ADGRL3: variants seen among roughly 807,000 people sequenced by gnomAD.
ADGRL3 encodes calcium-independent alpha-latrotoxin receptor 3.
A neutral mutation model predicts 153.5 loss-of-function variants in ADGRL3; 62 were observed. The ratio of observed to expected loss-of-function variants is 0.40; its 90% CI spans 0.33 to 0.50. The LOEUF is 0.50. Ranked by LOEUF, ADGRL3 falls within the 20% of genes least tolerant of loss-of-function variation. ADGRL3 has a pLI of 0.47. For synonymous variants in ADGRL3, 710 were observed against 672.5 expected, an observed-to-expected ratio of 1.06 and a Z score of -0.86; for missense variants, 1,641 against 1,859.4, an observed-to-expected ratio of 0.88 and a Z score of 2.16.
chr4:61,601,111 A>G (rs1197954475), intron 5 of ADGRL3, among the ~76,000 whole-genome samples: 4 of 152,118 alleles, frequency 2.6e-5, no homozygotes, highest in Non-Finnish European at 4.4e-5. Flanking sequence ...ACATTTCTAT[A>G]TAAGAATGTT....
At chr4:61,661,270 A>G (rs539253177) in intron 5 of ADGRL3, among the ~76,000 whole-genome samples, 1 of 152,112 alleles carries the variant, frequency 6.6e-6, no homozygotes, top group African/African-American at 2.4e-5. Context: ...CATTTTTTTA[A>G]TATGCATACA....
intron 1 of ADGRL3, among the ~76,000 whole-genome samples, chr4:61,240,291 C>T (rs1754412625): frequency 6.6e-6 from 1 of 152,126 alleles, no homozygotes; most frequent in South Asian, 2.1e-4. Context: ...GCAGTGCCCT[C>T]ATGACTTAAT....
chr4:61,762,496 T>C (rs2096925026), intron 8 of ADGRL3, among the ~76,000 whole-genome samples: 1 of 152,118 alleles, frequency 6.6e-6, no homozygotes, highest in African/African-American at 2.4e-5. Context: ...TTGAGGTGCT[T>C]GTCAAAAATG....
intron 19 of ADGRL3, among the ~76,000 whole-genome samples, chr4:61,992,089 A>G (rs567067121): frequency 6.6e-6 from 1 of 151,994 alleles, no homozygotes; most frequent in Non-Finnish European, 1.5e-5. Flanking sequence ...AGAAATTGCC[A>G]TATCTTAAAA....
intron 1 of ADGRL3, among the ~76,000 whole-genome samples, chr4:61,234,641 G>T (rs1190740561): frequency 6.6e-6 from 1 of 152,160 alleles, no homozygotes; most frequent in Non-Finnish European, 1.5e-5. Flanking sequence ...TGAGCCTGGA[G>T]GGTTGGTCGG....
At chr4:61,756,690 C>G (rs2096835945) in intron 8 of ADGRL3, among the ~76,000 whole-genome samples, 1 of 152,188 alleles carries the variant, frequency 6.6e-6, no homozygotes, top group South Asian at 2.1e-4. Context: ...GCATCCCTGT[C>G]TTGTGCCGGT....
chr4:62,057,119 G>A (rs1189753896), intron 25 of ADGRL3, among the ~76,000 whole-genome samples: 2 of 152,176 alleles, frequency 1.3e-5, no homozygotes, highest in Non-Finnish European at 2.9e-5. Context: ...AAGAAGAAGC[G>A]TTGTTTGAAT....
chr4:61,284,038 T>C (rs992173538), intron 1 of ADGRL3, among the ~76,000 whole-genome samples: 1 of 151,988 alleles, frequency 6.6e-6, no homozygotes, highest in African/African-American at 2.4e-5. Flanking sequence ...AAGTACCTAA[T>C]GGATCCCAAT....
chr4:61,633,139 G>A (rs2093264627), intron 5 of ADGRL3, among the ~76,000 whole-genome samples: 1 of 151,206 alleles, frequency 6.6e-6, no homozygotes, highest in African/African-American at 2.4e-5. Context: ...ACATAGTGTT[G>A]GAGCTGACTA....
intron 5 of ADGRL3, among the ~76,000 whole-genome samples, chr4:61,596,797 G>C (rs888248937): frequency 6.6e-6 from 1 of 152,116 alleles, no homozygotes; most frequent in Non-Finnish European, 1.5e-5. Flanking sequence ...GTTCAAGTCT[G>C]CAGGAAGCTG....
intron 1 of ADGRL3, among the ~76,000 whole-genome samples, chr4:61,361,225 G>T (rs1236862257): frequency 6.6e-6 from 1 of 152,110 alleles, no homozygotes; most frequent in Non-Finnish European, 1.5e-5. Context: ...CATTTATAAA[G>T]TGGGTTTAAT....
chr4:61,694,189 T>A (rs1011220410), intron 6 of ADGRL3, among the ~76,000 whole-genome samples: 6 of 18,720 alleles, frequency 3.2e-4, no homozygotes, highest in Admixed American at 9.5e-4. Context: ...ATTTTTTTTT[T>A]TTTTTTTTTT....
At chr4:61,480,080 T>C (rs1294995958) in intron 2 of ADGRL3, among the ~76,000 whole-genome samples, 1 of 152,142 alleles carries the variant, frequency 6.6e-6, no homozygotes, top group African/African-American at 2.4e-5. Flanking sequence ...GCATGTACTG[T>C]TATTAATGGT....
intron 5 of ADGRL3, among the ~76,000 whole-genome samples, chr4:61,628,212 G>T (rs1036520005): frequency 3.3e-5 from 5 of 152,134 alleles, no homozygotes; most frequent in Admixed American, 2.6e-4. Flanking sequence ...AACTGACACA[G>T]AGAGGTTTAA....
At chr4:61,627,668 T>C (rs2092915117) in intron 5 of ADGRL3, among the ~76,000 whole-genome samples, 1 of 151,720 alleles carries the variant, frequency 6.6e-6, no homozygotes. Context: ...AAAAAGTAAA[T>C]AGTGCCTTTC....
At chr4:61,275,652 T>C (rs2093424802) in intron 1 of ADGRL3, among the ~76,000 whole-genome samples, 1 of 152,192 alleles carries the variant, frequency 6.6e-6, no homozygotes, top group South Asian at 2.1e-4. Context: ...TGTTTCAGTT[T>C]GGCATAGATG....
chr4:61,708,168 TATC>T lies in ADGRL3; in HGVS notation c.584-22451_584-22449del, dbSNP rs1014628827. Among the ~76,000 whole-genome samples, 18 of 152,138 alleles carry T rather than the reference TATC, an allele frequency of 1.2e-4. 1 individual carries two copies. The highest frequency in any genetic ancestry group is 4.3e-4 in the African/African-American group (18 of 41,444). On this transcript the variant is annotated intron_variant, in intron 6 of 26. Transcript: ENST00000683033. ...TATTTTCATGTTTATTCATGAAAAG[TATC>T]ATGTGAATTTATATTGGCTCTGGGA... is the stretch of plus-strand genomic sequence containing the variant.
chr4:62,044,310 T>G, intron 24 of ADGRL3, 143 bp from the exon 25 acceptor site: 1 of 624,676 alleles, frequency 1.6e-6, no homozygotes, highest in Non-Finnish European at 2.9e-6. Context: ...CTCATGCTAC[T>G]GTACTGCAAA....
At chr4:61,772,097 C>T (rs562744356) in intron 8 of ADGRL3, among the ~76,000 whole-genome samples, 11 of 152,170 alleles carry the variant, frequency 7.2e-5, no homozygotes, top group Admixed American at 1.3e-4. Context: ...CAAATAGGAA[C>T]GCCATGGCTG....
Sources: allele counts gnomAD v4.1 joint callset (sites outside exome capture counted in the v4.1 genomes callset), GRCh38; gene constraint gnomAD v4.1.1; transcripts MANE v1.5; gene names NCBI Gene and HGNC (gene_info 2026-07-23, HGNC 2026-07-21).